The following SH3GL1 variants were observed in gnomAD, a reference collection of about 807,000 sequenced individuals.
SH3GL1 encodes the protein SH3 domain containing GRB2 like 1, endophilin A2, also known as endophilin-A2.
SH3GL1 carries 21 observed loss-of-function variants against 48.8 expected under a neutral mutation model. That is an observed-to-expected ratio of 0.43 (90% CI 0.30 to 0.62). The LOEUF is 0.62. Among genes scored for constraint, SH3GL1 ranks in the 20% least tolerant of loss-of-function variants. SH3GL1 has a pLI of 0.11. For missense variants in SH3GL1, 454 were observed against 503.0 expected (o/e 0.90, Z 0.93); for synonymous variants, 282 against 217.5 (o/e 1.30, Z -2.61).
chr19:4,368,937 T>A (rs1168775606), intron 1 of SH3GL1, among the ~76,000 whole-genome samples: 1 of 152,142 alleles, frequency 6.6e-6, no homozygotes, highest in African/African-American at 2.4e-5. Context: ...CCGGGCCTGA[T>A]GGCGGGTGCC....
chr19:4,396,365 C>A (rs1225162067), intron 1 of SH3GL1, among the ~76,000 whole-genome samples: 1 of 152,216 alleles, frequency 6.6e-6, no homozygotes, highest in Admixed American at 6.5e-5. Context: ...TGCCATTGTA[C>A]TCCAGCCTGG....
At chr19:4,363,247 C>T in intron 7 of SH3GL1, 123 bp downstream of exon 7, 1 of 788,936 alleles carries the variant, frequency 1.3e-6, no homozygotes. Flanking sequence ...ACTCAGTCCC[C>T]AGGAAGAATC....
At chr19:4,396,840 A>G (rs1017579979) in intron 1 of SH3GL1, among the ~76,000 whole-genome samples, 2 of 152,190 alleles carry the variant, frequency 1.3e-5, no homozygotes, top group African/African-American at 2.4e-5. Flanking sequence ...AAGGTCCCAG[A>G]CATTGTCAAT....
chr19:4,390,496 T>A (rs1285350335), intron 1 of SH3GL1: 1 of 133,702 alleles, frequency 7.5e-6, no homozygotes, highest in Non-Finnish European at 1.6e-5. Context: ...AAGGGAAGAG[T>A]GAGAACAGAA....
chr19:4,382,470 G>C (rs1433229814), intron 1 of SH3GL1, among the ~76,000 whole-genome samples: 1 of 151,808 alleles, frequency 6.6e-6, no homozygotes, highest in Admixed American at 6.6e-5. Flanking sequence ...TGTTAGCCAG[G>C]ATGGTCTCGA....
chr19:4,382,147 T>C (rs1599610984), intron 1 of SH3GL1, among the ~76,000 whole-genome samples: 1 of 151,696 alleles, frequency 6.6e-6, no homozygotes, highest in Admixed American at 6.6e-5. Flanking sequence ...CCCTCCTCCC[T>C]CCATTGTCAG....
rs769703059 is a variant in SH3GL1, at chr19:4,365,477, C to T, written c.331+5G>A. ...TGGGCGTGGCTTCCAGAGAGCACCACTCACCAAAGTTGGACTCGCCGCCCA... is the reference window on the plus strand; with the variant it reads ...TGGGCGTGGCTTCCAGAGAGCACCATTCACCAAAGTTGGACTCGCCGCCCA... On this transcript the variant is annotated splice_donor_5th_base_variant and intron_variant, in intron 4 of 9. Transcript: ENST00000269886. 6.2e-7 allele frequency: 1 copy of T among 1,613,504 alleles called. No homozygotes were observed. Among genetic ancestry groups the T allele is most frequent in the South Asian group, 1.1e-5 (1 of 91,084 alleles).
rs1394905966 is a variant in SH3GL1 at position 4,400,276 on chromosome 19, G to A, written c.45+48C>T. On this transcript the variant is annotated intron_variant, in intron 1 of 9. Coordinates refer to ENST00000269886, the MANE Select transcript of SH3GL1 (RefSeq NM_003025.4). This position sits in a 1 kb window ranked among gnomAD's most constrained non-coding sequence, Gnocchi z 4.1. ...CAGGTCGGGCCTGGCTCCCTCATCC[G>A]GGCAGCCCGGGGCCCGGTACTCGGC... The A allele has an allele frequency of 1.3e-5, 20 of 1,576,034 alleles. No homozygotes were observed. Among genetic ancestry groups the A allele is most frequent in the Non-Finnish European group, 1.7e-5 (20 of 1,164,068 alleles).
At chr19:4,372,374 C>T (rs1003424277) in intron 1 of SH3GL1, among the ~76,000 whole-genome samples, 4 of 152,314 alleles carry the variant, frequency 2.6e-5, no homozygotes, top group South Asian at 2.1e-4. Context: ...TCACAGTGGG[C>T]GCAGTTCTAA....
chr19:4,364,369 A>C, intron 4 of SH3GL1, 148 bp from the exon 5 acceptor site: 1 of 1,012,382 alleles, frequency 9.9e-7, no homozygotes, highest in Non-Finnish European at 1.5e-6. Context: ...AACTGGGCTC[A>C]AGCCATGCTG....
At chr19:4,372,664 G>A (rs566805094) in intron 1 of SH3GL1, among the ~76,000 whole-genome samples, 1 of 152,324 alleles carries the variant, frequency 6.6e-6, no homozygotes, top group East Asian at 1.9e-4. Context: ...CAACACCTGG[G>A]AGCCACTGCC....
At chr19:4,395,160 G>A (rs1028636316) in intron 1 of SH3GL1, among the ~76,000 whole-genome samples, 1 of 5,564 alleles carries the variant, frequency 1.8e-4, no homozygotes, top group Non-Finnish European at 3.4e-4. Flanking sequence ...CACTGTAAAT[G>A]GTGTTTTTTT....
intron 1 of SH3GL1, among the ~76,000 whole-genome samples, chr19:4,383,324 C>A (rs569088567): frequency 5.9e-5 from 9 of 152,126 alleles, no homozygotes; most frequent in African/African-American, 1.2e-4. Flanking sequence ...AATCAATCCT[C>A]TGGCCTCAGT....
chr19:4,395,205 G>C (rs1973404998), intron 1 of SH3GL1, among the ~76,000 whole-genome samples: 1 of 152,146 alleles, frequency 6.6e-6, no homozygotes, highest in African/African-American at 2.4e-5. Context: ...TCCCAGGCTG[G>C]AGTGCAGTGC....
In SH3GL1 at chr19:4,361,522, G is replaced by A; in HGVS notation, c.*78C>T. 1 of 1,157,996 alleles carries A rather than the reference G, an allele frequency of 8.6e-7. No individual in the cohort carries two copies. The highest frequency in any genetic ancestry group is 1.2e-6 in the Non-Finnish European group (1 of 814,278). 71.7% of individuals were successfully genotyped at this position (1,157,996 alleles called of 1,614,324 possible). A position where few individuals can be genotyped will look rare whatever the true frequency, so the allele number is the denominator to read the frequency against. On this transcript the variant is annotated 3_prime_UTR_variant, in exon 10 of 10. Coordinates refer to ENST00000269886, the MANE Select transcript of SH3GL1 (RefSeq NM_003025.4). ...GCTCAGACACCGCCCTGGCAGCAGGGGCTCCGTGGAATGCAGGAGACCCAG... is the reference window on the plus strand; with the variant it reads ...GCTCAGACACCGCCCTGGCAGCAGGAGCTCCGTGGAATGCAGGAGACCCAG...
At position 4,362,354 on chromosome 19, in the gene SH3GL1, G is replaced by A. The variant is rs1356583617; in HGVS notation, c.885C>T (p.Pro295=). Residue 295 remains proline (P), a synonymous_variant, in exon 9 of 10, where the codon CCC becomes CCT. Transcript: ENST00000269886. ...GCATGCTCCGGCTAGGGGTCCGGAT[G>A]GGCTTGTCGGAAGATCGGAAAGACG... ...ASSSFRSSDK[P]IRTPSRSMPP... The A allele has an allele frequency of 2.5e-6, 4 of 1,612,184 alleles. No homozygotes were observed. Among genetic ancestry groups the A allele is most frequent in the South Asian group, 1.1e-5 (1 of 90,688 alleles).
chr19:4,399,463 A>AGAAG (rs367741466), intron 1 of SH3GL1, among the ~76,000 whole-genome samples: 68 of 151,882 alleles, frequency 4.5e-4, no homozygotes, highest in African/African-American at 1.5e-3. Flanking sequence ...AAGGAAGGAA[A>AGAAG]GAAGGAAGGA....
intron 1 of SH3GL1, among the ~76,000 whole-genome samples, chr19:4,381,157 C>T (rs1038037843): frequency 3.8e-5 from 5 of 131,266 alleles, no homozygotes; most frequent in African/African-American, 5.8e-5. Context: ...TCCCCTGCCT[C>T]TGTCTCCCCT....
rs1397736264 is a variant in SH3GL1, at chr19:4,367,001, G to A, written c.46-7C>T. ...CGACCTTCTCACTGACCAGCTAGAGGACAGAAGAGGGGAAACGCTGTGAGC... is the reference window on the plus strand; with the variant it reads ...CGACCTTCTCACTGACCAGCTAGAGAACAGAAGAGGGGAAACGCTGTGAGC... On this transcript the variant is annotated splice_region_variant and splice_polypyrimidine_tract_variant and intron_variant, in intron 1 of 9. Transcript: ENST00000269886. The surrounding 1 kb of genome is among the most constrained non-coding windows in gnomAD (Gnocchi z 4.2). The A allele has an allele frequency of 6.2e-7, 1 of 1,613,782 alleles. No individual in the cohort carries two copies. Among genetic ancestry groups the A allele is most frequent in the South Asian group, 1.1e-5 (1 of 91,070 alleles).
Sources: gnomAD v4.1 joint callset for allele counts (sites outside exome capture counted in the v4.1 genomes callset) on GRCh38, gnomAD v4.1.1 for gene constraint, Gnocchi (gnomAD v3.1) non-coding constraint, MANE v1.5 for transcripts, NCBI Gene and HGNC (gene_info 2026-07-23, HGNC 2026-07-21) for gene names.